The following CCDC68 variants were observed in gnomAD, a reference collection of about 807,000 sequenced individuals.
CCDC68 encodes coiled-coil domain-containing protein 68.
In CCDC68, 45 loss-of-function variants were observed where a neutral mutation model predicts 47.1. The observed-to-expected ratio is 0.96, with a 90% confidence interval of 0.75 to 1.23. CCDC68 has a LOEUF of 1.23. CCDC68 is among the 50% of genes most tolerant of loss of function. CCDC68 has a pLI of 0.00. For missense variants in CCDC68, 353 were observed against 373.6 expected (o/e 0.94, Z 0.45); for synonymous variants, 131 against 129.5 (o/e 1.01, Z -0.08).
chr18:54,922,672 G>C (rs879679229), intron 8 of CCDC68, among the ~76,000 whole-genome samples: 1 of 152,004 alleles, frequency 6.6e-6, no homozygotes, highest in Non-Finnish European at 1.5e-5. Context: ...GGCCAACATG[G>C]CAAAATCCAT....
Position 54,907,794 on chromosome 18 carries a change from G to A in CCDC68, c.942C>T (p.Val314=). 1 of 1,587,284 alleles carries A rather than the reference G, an allele frequency of 6.3e-7. No homozygotes were observed. Among genetic ancestry groups the A allele is most frequent in the Non-Finnish European group, 8.7e-7 (1 of 1,155,590 alleles). ...ETPRTKVSKA[V]STSELKTEGV... Reference sequence around the variant, plus strand: ...GAGGACAGAGACCTTACCTTGTAGAGACAGCCTTAGATACCTTTGTCCTAG... The same window carrying A: ...GAGGACAGAGACCTTACCTTGTAGAAACAGCCTTAGATACCTTTGTCCTAG... The change falls in exon 11 of 12, where the codon GTC becomes GTT. Residue 314 remains valine, a synonymous_variant. Coordinates refer to ENST00000591504, the MANE Select transcript of CCDC68 (RefSeq NM_025214.3).
In CCDC68 at chr18:54,914,582, C is replaced by T. The variant is rs139024609; in HGVS notation, c.873+3331G>A. Among the ~76,000 whole-genome samples, 567 of 152,030 alleles carry T rather than the reference C, an allele frequency of 3.7e-3. 1 individual carries two copies. The highest frequency in any genetic ancestry group is 0.013 in the African/African-American group (547 of 41,464). On this transcript the variant is annotated intron_variant, in intron 10 of 11. Coordinates refer to ENST00000591504, the MANE Select transcript of CCDC68 (RefSeq NM_025214.3). Reference sequence around the variant, plus strand: ...GCAGTGAGCCGAGATCACGAGATCACGCCACTGCACTCCAGCCTGGGTGAC... The same window carrying T: ...GCAGTGAGCCGAGATCACGAGATCATGCCACTGCACTCCAGCCTGGGTGAC...
At chr18:54,953,984 TCCCC>T (rs2044665950) in intron 1 of CCDC68, among the ~76,000 whole-genome samples, 1 of 53,720 alleles carries the variant, frequency 1.9e-5, no homozygotes, top group Non-Finnish European at 3.7e-5. Flanking sequence ...TCCCCTCCCC[TCCCC>T]TCCCCTCCCT....
At chr18:54,935,214 G>C (rs1304650041) in intron 6 of CCDC68, among the ~76,000 whole-genome samples, 1 of 152,162 alleles carries the variant, frequency 6.6e-6, no homozygotes, top group Non-Finnish European at 1.5e-5. Context: ...AGGTATAAGA[G>C]AGAAAGATGC....
At position 54,917,843 on chromosome 18, in the gene CCDC68, ACACAC is replaced by A; in HGVS notation, c.873+65_873+69del. On this transcript the variant is annotated intron_variant, in intron 10 of 11. Coordinates refer to ENST00000591504, the MANE Select transcript of CCDC68 (RefSeq NM_025214.3). The stretch of plus-strand genomic sequence containing the variant: ...TACTGATACCCTCACGTGCACAGAC[ACACAC>A]ACACACACACACACACACACACTCA... The A allele has an allele frequency of 2.2e-4, 5 of 22,352 alleles. No homozygotes were observed. The East Asian group carries it at 0.5, about 2,235-fold the overall frequency. 1.4% of individuals were successfully genotyped at this position (22,352 alleles called of 1,614,324 possible). A position where few individuals can be genotyped will look rare whatever the true frequency, so the allele number is the denominator to read the frequency against.
At chr18:54,931,070 C>T (rs2044251111) in intron 7 of CCDC68, among the ~76,000 whole-genome samples, 1 of 151,954 alleles carries the variant, frequency 6.6e-6, no homozygotes, top group South Asian at 2.1e-4. Flanking sequence ...AAAAAAAACA[C>T]ACCACAGATA....
chr18:54,937,061 CAT>C, intron 5 of CCDC68, 103 bp from the exon 6 acceptor site: 1 of 1,049,020 alleles, frequency 9.5e-7, no homozygotes, highest in Non-Finnish European at 1.4e-6. Flanking sequence ...ATAACTATAC[CAT>C]TTACAGCCTC....
chr18:54,922,453 C>G (rs958003787), intron 8 of CCDC68, among the ~76,000 whole-genome samples: 4 of 152,094 alleles, frequency 2.6e-5, no homozygotes, highest in African/African-American at 9.7e-5. Context: ...AGATGTTGCT[C>G]AGAACCCTTG....
intron 1 of CCDC68, 115 bp from the exon 2 acceptor site, chr18:54,945,592 C>T (rs1022167683): frequency 6.6e-6 from 1 of 152,076 alleles, no homozygotes; most frequent in Non-Finnish European, 1.5e-5. Flanking sequence ...GAAACAAGAT[C>T]GCTTCTGGGG....
intron 1 of CCDC68, chr18:54,954,419 T>C (rs6567001): frequency 0.15 from 23,509 of 152,006 alleles, 1,936 homozygotes; most frequent in Non-Finnish European, 0.17. Context: ...GTTTGACTTA[T>C]CCAAGAGCAG....
chr18:54,934,584 G>A (rs904606325), intron 7 of CCDC68, among the ~76,000 whole-genome samples: 1 of 152,112 alleles, frequency 6.6e-6, no homozygotes, highest in Non-Finnish European at 1.5e-5. Context: ...AGTGACAAAT[G>A]ATGATATGAC....
chr18:54,912,869 T>TA (rs952837679), intron 10 of CCDC68, among the ~76,000 whole-genome samples: 15 of 152,102 alleles, frequency 9.9e-5, no homozygotes, highest in African/African-American at 1.9e-4. Flanking sequence ...GGTTTCCCCT[T>TA]AAAAAACCAT....
intron 10 of CCDC68, among the ~76,000 whole-genome samples, chr18:54,915,297 ATTTTGTTCAACATTGTT>A (rs2043926180): frequency 6.6e-6 from 1 of 152,200 alleles, no homozygotes; most frequent in African/African-American, 2.4e-5. Flanking sequence ...ACTCATGTCT[ATTTTGTTCAACATTGTT>A]TTCTAGAATT....
At chr18:54,945,000 T>G (rs1164034182) in intron 2 of CCDC68, among the ~76,000 whole-genome samples, 1 of 152,224 alleles carries the variant, frequency 6.6e-6, no homozygotes, top group African/African-American at 2.4e-5. Context: ...TAACATGTGA[T>G]GTTAAAGAAT....
At position 54,903,277 on chromosome 18, in the gene CCDC68, C is replaced by G. The variant is rs1387824894; in HGVS notation, c.*1081G>C. On this transcript the variant is annotated 3_prime_UTR_variant, in exon 12 of 12. Transcript: ENST00000591504. The stretch of plus-strand genomic sequence containing the variant: ...AAGGAAATTCATCCTTTAGGGGGAC[C>G]AAGGTCTCTCATTATACATTTAATT... The G allele has an allele frequency of 6.6e-6, 1 of 152,082 alleles. No individual in the cohort carries two copies. Among genetic ancestry groups the G allele is most frequent in the Non-Finnish European group, 1.5e-5 (1 of 67,998 alleles). The allele number at this position is 152,082 out of a possible 1,614,324, so 9.4% of individuals were successfully genotyped here.
intron 1 of CCDC68, among the ~76,000 whole-genome samples, chr18:54,958,629 T>C (rs2044751954): frequency 6.6e-6 from 1 of 152,218 alleles, no homozygotes; most frequent in East Asian, 1.9e-4. Flanking sequence ...TATTCAATTT[T>C]GTCTTCACTT....
At chr18:54,931,646 TA>T (rs773055199) in intron 7 of CCDC68, among the ~76,000 whole-genome samples, 10 of 152,174 alleles carry the variant, frequency 6.6e-5, no homozygotes, top group Non-Finnish European at 1.2e-4. Context: ...GCAATGGAGC[TA>T]AATCAATGAC....
At chr18:54,909,350 T>C (rs1445677271) in intron 10 of CCDC68, among the ~76,000 whole-genome samples, 2 of 151,268 alleles carry the variant, frequency 1.3e-5, no homozygotes, top group South Asian at 4.2e-4. Context: ...TAGAGAGTCA[T>C]GTAATTATAG....
intron 1 of CCDC68, among the ~76,000 whole-genome samples, chr18:54,953,940 T>C (rs1314598796): frequency 6.6e-6 from 1 of 150,942 alleles, no homozygotes; most frequent in East Asian, 2.0e-4. Context: ...GATGAAAATA[T>C]CTACTTATTC....
Sources: allele counts gnomAD v4.1 joint callset (sites outside exome capture counted in the v4.1 genomes callset), GRCh38; gene constraint gnomAD v4.1.1; transcripts MANE v1.5; gene names NCBI Gene and HGNC (gene_info 2026-07-23, HGNC 2026-07-21).